The following FRMPD4 variants were observed in gnomAD, a reference collection of about 807,000 sequenced individuals.
The protein encoded by FRMPD4 is FERM and PDZ domain-containing protein 4.
A neutral mutation model predicts 94.1 loss-of-function variants in FRMPD4; 22 were observed. The observed-to-expected ratio is 0.23, with a 90% CI of 0.17 to 0.33. The LOEUF (loss-of-function observed/expected upper bound fraction) is 0.33. Ranked by LOEUF, FRMPD4 falls within the 10% of genes least tolerant of loss-of-function variation. The probability of loss-of-function intolerance (pLI) is 1.00; values close to 1 mark genes in which losing one functional copy is unlikely to be tolerated. For missense variants in FRMPD4, 1,111 were observed against 1,339.9 expected (o/e 0.83, Z 2.67); for synonymous variants, 631 against 548.6 (o/e 1.15, Z -2.10).
chrX:12,418,010 A>AC (rs1484335004), intron 1 of FRMPD4, among the ~76,000 whole-genome samples: 2 of 108,510 alleles, frequency 1.8e-5, no homozygotes, highest in African/African-American at 6.7e-5. Context: ...AAAAAAAAAA[A>AC]AACAAACAAC....
At chrX:12,271,868 C>T (rs958815925) in intron 1 of FRMPD4, among the ~76,000 whole-genome samples, 1 of 112,069 alleles carries the variant, frequency 8.9e-6, no homozygotes, top group Non-Finnish European at 1.9e-5. Flanking sequence ...TGCATTAGGT[C>T]TGCAGTTGAG....
chrX:12,211,219 A>G lies in FRMPD4; in HGVS notation c.41+72207A>G, dbSNP rs1006883443. On this transcript the variant is annotated intron_variant, in intron 1 of 16. Transcript: ENST00000675598. The stretch of plus-strand genomic sequence containing the variant: ...TCTCAATACCTGAATTTTCCTTCAT[A>G]AGCAACTCCATGTGGAGCTCTGGCA... Among the ~76,000 whole-genome samples the G allele has an allele frequency of 4.6e-5, 5 of 108,463 alleles. No individual in the cohort carries two copies. The Admixed American group carries it at 4.8e-4, about 10-fold the overall frequency. 94.2% of individuals were successfully genotyped at this position (108,463 alleles called of 115,157 possible).
At chrX:11,846,245 C>T (rs1350023540) in intron 1 of FRMPD4, among the ~76,000 whole-genome samples, 3 of 106,607 alleles carry the variant, frequency 2.8e-5, no homozygotes, top group African/African-American at 1.0e-4. Context: ...AACAGACAAA[C>T]AGAGAGCCAA....
At chrX:11,907,682 TA>T (rs1045884062) in intron 3 of FRMPD4, among the ~76,000 whole-genome samples, 1 of 111,935 alleles carries the variant, frequency 8.9e-6, no homozygotes, top group Admixed American at 9.4e-5. Context: ...CACTACCTTC[TA>T]AAACTATCAT....
At chrX:12,010,462 A>G (rs2054575179) in intron 3 of FRMPD4, among the ~76,000 whole-genome samples, 1 of 112,102 alleles carries the variant, frequency 8.9e-6, no homozygotes, top group Non-Finnish European at 1.9e-5. Context: ...AGAGCTTTTA[A>G]TAATACAGGG....
chrX:12,547,837 T>C (rs1037044279), intron 2 of FRMPD4, among the ~76,000 whole-genome samples: 1 of 112,044 alleles, frequency 8.9e-6, no homozygotes, highest in Admixed American at 9.5e-5. Flanking sequence ...TGTCAAAGAA[T>C]AGAAGGGATT....
chrX:12,332,790 C>A (rs1446460214), intron 1 of FRMPD4, among the ~76,000 whole-genome samples: 1 of 111,738 alleles, frequency 8.9e-6, no homozygotes, highest in African/African-American at 3.2e-5. Context: ...AAAATAAAAG[C>A]CACTAATAAC....
intron 1 of FRMPD4, among the ~76,000 whole-genome samples, chrX:12,422,832 G>A (rs1042527250): frequency 9.0e-6 from 1 of 111,598 alleles, no homozygotes; most frequent in Non-Finnish European, 1.9e-5. Flanking sequence ...CAACACACAG[G>A]TTTTTTTTGG....
intron 1 of FRMPD4, among the ~76,000 whole-genome samples, chrX:11,862,496 G>A (rs776776434): frequency 1.8e-5 from 2 of 111,751 alleles, no homozygotes; most frequent in South Asian, 7.6e-4. Context: ...TACAGAAGTG[G>A]TATAGGAGTG....
At chrX:12,539,362 C>A (rs188379521) in intron 2 of FRMPD4, among the ~76,000 whole-genome samples, 418 of 112,176 alleles carry the variant, frequency 3.7e-3, no homozygotes, top group Non-Finnish European at 6.2e-3. Context: ...GGAAAACACT[C>A]TGCAGGATAT....
intron 4 of FRMPD4, among the ~76,000 whole-genome samples, chrX:12,646,678 T>C (rs1184445407): frequency 8.9e-6 from 1 of 112,193 alleles, no homozygotes; most frequent in African/African-American, 3.2e-5. Context: ...TTCCATCCTG[T>C]AGCTGTTTAT....
intron 2 of FRMPD4, among the ~76,000 whole-genome samples, chrX:12,596,928 G>T (rs2059036910): frequency 9.0e-6 from 1 of 111,603 alleles, no homozygotes; most frequent in Non-Finnish European, 1.9e-5. Flanking sequence ...ATAATTCAGG[G>T]TATTTATTGT....
At chrX:12,232,179 TCTC>T (rs2057017619) in intron 1 of FRMPD4, among the ~76,000 whole-genome samples, 1 of 111,617 alleles carries the variant, frequency 9.0e-6, no homozygotes, top group African/African-American at 3.3e-5. Flanking sequence ...TCTGTTTCTC[TCTC>T]CTCCTTCTCC....
intron 5 of FRMPD4, among the ~76,000 whole-genome samples, chrX:12,680,431 CT>C (rs2059958584): frequency 8.9e-6 from 1 of 112,255 alleles, no homozygotes; most frequent in Non-Finnish European, 1.9e-5. Flanking sequence ...ATAGTCATGA[CT>C]GGTTTACATT....
intron 1 of FRMPD4, among the ~76,000 whole-genome samples, chrX:12,348,141 A>C (rs1365004354): frequency 8.9e-6 from 1 of 112,162 alleles, no homozygotes; most frequent in East Asian, 2.8e-4. Flanking sequence ...CATCACTTAC[A>C]AACAGTTACA....
chrX:12,439,808 G>T (rs746438522), intron 1 of FRMPD4, among the ~76,000 whole-genome samples: 3 of 111,722 alleles, frequency 2.7e-5, no homozygotes, highest in African/African-American at 6.5e-5. Flanking sequence ...TTAAAATGCC[G>T]TATTTTGACT....
chrX:12,673,828 C>T (rs755260475), intron 4 of FRMPD4, among the ~76,000 whole-genome samples: 1 of 111,404 alleles, frequency 9.0e-6, no homozygotes, highest in Non-Finnish European at 1.9e-5. Context: ...TTCCTCTCTT[C>T]CCCTACCCCA....
At chrX:11,911,254 A>C (rs1374270415) in intron 3 of FRMPD4, among the ~76,000 whole-genome samples, 1 of 112,441 alleles carries the variant, frequency 8.9e-6, no homozygotes, top group African/African-American at 3.2e-5. Flanking sequence ...TGTAGACAGT[A>C]ACCCCTGTTT....
intron 3 of FRMPD4, among the ~76,000 whole-genome samples, chrX:11,903,883 A>T (rs1165037860): frequency 1.8e-5 from 2 of 111,462 alleles, no homozygotes; most frequent in Non-Finnish European, 3.8e-5. Flanking sequence ...GGGCTCAGGC[A>T]ATGCTCTCAG....
Sources: gnomAD v4.1 joint callset for allele counts (sites outside exome capture counted in the v4.1 genomes callset) on GRCh38, gnomAD v4.1.1 for gene constraint, MANE v1.5 for transcripts, NCBI Gene and HGNC (gene_info 2026-07-23, HGNC 2026-07-21) for gene names.